The following NCKAP5 variants were observed in gnomAD, a reference collection of about 807,000 sequenced individuals.
The protein encoded by NCKAP5 is NCK associated protein 5.
NCKAP5 carries 92 observed loss-of-function variants against 167.0 expected under a neutral mutation model. The ratio of observed to expected loss-of-function variants is 0.55; its 90% CI spans 0.47 to 0.66. The LOEUF is 0.66. Among genes scored for constraint, NCKAP5 ranks in the 30% least tolerant of loss-of-function variants. The pLI, the probability that NCKAP5 is intolerant of heterozygous loss-of-function variation, is 0.00. For missense variants in NCKAP5, 2,378 were observed against 2,315.0 expected (o/e 1.03, Z -0.56); for synonymous variants, 891 against 877.4 (o/e 1.02, Z -0.27).
At chr2:133,530,151 T>C (rs1156922184) in intron 2 of NCKAP5, among the ~76,000 whole-genome samples, 3 of 152,188 alleles carry the variant, frequency 2.0e-5, no homozygotes, top group African/African-American at 7.2e-5. Flanking sequence ...TTTAAAAGAA[T>C]ATAAATTCAT....
chr2:133,388,528 C>T (rs1050545169), intron 3 of NCKAP5, among the ~76,000 whole-genome samples: 3 of 152,344 alleles, frequency 2.0e-5, no homozygotes, highest in Admixed American at 6.5e-5. Context: ...CAGATCTCAA[C>T]CTCCATGCTG....
At chr2:133,049,750 C>A (rs1310700132) in intron 6 of NCKAP5, among the ~76,000 whole-genome samples, 1 of 152,170 alleles carries the variant, frequency 6.6e-6, no homozygotes, top group Non-Finnish European at 1.5e-5. Context: ...AAGACGTGTG[C>A]TTGTGACTCC....
chr2:132,820,397 T>G (rs1686629158), intron 11 of NCKAP5, among the ~76,000 whole-genome samples: 1 of 151,920 alleles, frequency 6.6e-6, no homozygotes, highest in Non-Finnish European at 1.5e-5. Flanking sequence ...GCCCAGCTAA[T>G]TTTTGTATTT....
intron 2 of NCKAP5, among the ~76,000 whole-genome samples, chr2:133,527,432 C>A (rs927576795): frequency 6.6e-6 from 1 of 151,770 alleles, no homozygotes; most frequent in East Asian, 1.9e-4. Flanking sequence ...TACCTAGGAG[C>A]TTTTTTTTCC....
chr2:133,106,732 G>A (rs1265729270), intron 6 of NCKAP5, among the ~76,000 whole-genome samples: 1 of 152,166 alleles, frequency 6.6e-6, no homozygotes, highest in Non-Finnish European at 1.5e-5. Flanking sequence ...TTGGAAGAGG[G>A]AACAGAGTTG....
intron 3 of NCKAP5, among the ~76,000 whole-genome samples, chr2:133,484,974 A>G (rs1397669368): frequency 2.6e-5 from 4 of 152,204 alleles, no homozygotes; most frequent in Non-Finnish European, 4.4e-5. Flanking sequence ...CTAATCATTA[A>G]TATTTTTGTG....
chr2:133,138,612 A>G (rs2082884345), intron 5 of NCKAP5, among the ~76,000 whole-genome samples: 1 of 152,194 alleles, frequency 6.6e-6, no homozygotes, highest in African/African-American at 2.4e-5. Flanking sequence ...CATTAACTTG[A>G]TAAGTGACCT....
chr2:132,887,333 A>ATCTATCTT (rs1432209611), intron 8 of NCKAP5, among the ~76,000 whole-genome samples: 1 of 105,906 alleles, frequency 9.4e-6, no homozygotes, highest in Non-Finnish European at 1.7e-5. Flanking sequence ...CTATCTATCT[A>ATCTATCTT]TCTATCTATC....
At chr2:132,930,175 G>T (rs1047635417) in intron 8 of NCKAP5, 1 of 152,156 alleles carries the variant, frequency 6.6e-6, no homozygotes, top group Non-Finnish European at 1.5e-5. Flanking sequence ...TGACCAGGAC[G>T]ACCCTGTTGC....
chr2:132,688,731 A>G (rs1686298773), intron 19 of NCKAP5, among the ~76,000 whole-genome samples: 1 of 152,074 alleles, frequency 6.6e-6, no homozygotes, highest in Admixed American at 6.6e-5. Flanking sequence ...TCATTTTAAA[A>G]GCCTCTTTGC....
chr2:133,641,129 T>C, the NCKAP5 span, among the ~76,000 whole-genome samples: 2 of 152,364 alleles, frequency 1.3e-5, no homozygotes, highest in Non-Finnish European at 2.9e-5. Context: ...TCCATAATTA[T>C]GTGCATCTCT....
Position 133,492,712 on chromosome 2 carries a change from C to T in NCKAP5, c.69+24746G>A, listed in dbSNP as rs548413089. Among the ~76,000 whole-genome samples the T allele has an allele frequency of 2.0e-5, 3 of 152,168 alleles. No individual in the cohort carries two copies. The East Asian group carries it at 5.8e-4, about 29-fold the overall frequency. On this transcript the variant is annotated intron_variant, in intron 3 of 19. Coordinates refer to ENST00000409261, the MANE Select transcript of NCKAP5 (RefSeq NM_207363.3). Reference sequence around the variant, plus strand: ...GAGATTGTATATGGAAAGAAGAAAGCATTTTCTGTTCTAAAATTCTGATCC... The same window carrying T: ...GAGATTGTATATGGAAAGAAGAAAGTATTTTCTGTTCTAAAATTCTGATCC...
intron 5 of NCKAP5, among the ~76,000 whole-genome samples, chr2:133,143,888 C>G (rs180970270): frequency 1.3e-5 from 2 of 152,174 alleles, no homozygotes; most frequent in Admixed American, 6.5e-5. Context: ...CCCATGCAAT[C>G]TGATTCCAGG....
Position 132,785,474 on chromosome 2 carries a change from A to G in NCKAP5, c.1337T>C (p.Leu446Pro). 1 of 1,613,482 alleles carries G rather than the reference A, an allele frequency of 6.2e-7. No individual in the cohort carries two copies. The highest frequency in any genetic ancestry group is 8.5e-7 in the Non-Finnish European group (1 of 1,179,650). ...IYSPGIKSSSLKEYPPCKTAD... is the reference protein window; with the variant it reads ...IYSPGIKSSSPKEYPPCKTAD... ...TGTTTTGCAGGGGGGATACTCCTTG[A>G]GGCTGCTACTTTTAATTCCAGGAGA... Residue 446 changes from leucine to proline, a missense_variant, in exon 14 of 20, where the codon CTC (leucine) becomes CCC (proline). Physicochemically the swap from Leu to Pro is moderately conservative, Grantham distance 98. Around this residue, in one of 3 missense-constraint regions of NCKAP5, gnomAD observed 1,049 missense variants for 1,023.4 expected, o/e 1.02. Coordinates refer to ENST00000409261, the MANE Select transcript of NCKAP5 (RefSeq NM_207363.3).
intron 3 of NCKAP5, among the ~76,000 whole-genome samples, chr2:133,405,389 C>T (rs1574894390): frequency 6.6e-6 from 1 of 152,172 alleles, no homozygotes; most frequent in African/African-American, 2.4e-5. Flanking sequence ...GACAGCACTT[C>T]GGCACTACTC....
intron 2 of NCKAP5, among the ~76,000 whole-genome samples, chr2:133,543,583 C>T (rs1686407918): frequency 6.6e-6 from 1 of 152,160 alleles, no homozygotes; most frequent in South Asian, 2.1e-4. Context: ...ATGAAATTTT[C>T]ATCAGCACCA....
At chr2:133,598,538 G>T in the NCKAP5 span, among the ~76,000 whole-genome samples, 1 of 152,186 alleles carries the variant, frequency 6.6e-6, no homozygotes, top group South Asian at 2.1e-4. Context: ...CCACAGCCCA[G>T]TGATGGACAG....
intron 5 of NCKAP5, among the ~76,000 whole-genome samples, chr2:133,186,602 A>G (rs577710639): frequency 5.1e-4 from 77 of 151,930 alleles, no homozygotes; most frequent in African/African-American, 1.8e-3. Flanking sequence ...GAGTTGGTAG[A>G]TTTTTTACCA....
intron 5 of NCKAP5, among the ~76,000 whole-genome samples, chr2:133,148,336 C>G (rs903641639): frequency 6.6e-6 from 1 of 152,108 alleles, no homozygotes; most frequent in Admixed American, 6.6e-5. Flanking sequence ...AGCAGACACT[C>G]TAAAATTCTT....
Sources: gnomAD v4.1 joint callset for allele counts (sites outside exome capture counted in the v4.1 genomes callset) on GRCh38, gnomAD v4.1.1 for gene constraint, gnomAD v4.1.1 regional missense constraint, MANE v1.5 for transcripts, NCBI Gene and HGNC (gene_info 2026-07-23, HGNC 2026-07-21) for gene names.